The following FILIP1 variants were observed in gnomAD, a reference collection of about 807,000 sequenced individuals.
The protein encoded by FILIP1 is filamin-A-interacting protein 1.
A neutral mutation model predicts 102.1 loss-of-function variants in FILIP1; 61 were observed. The ratio of observed to expected loss-of-function variants is 0.60; its 90% CI spans 0.49 to 0.74. FILIP1 has a LOEUF of 0.74. Ranked by LOEUF, FILIP1 falls within the 30% of genes least tolerant of loss-of-function variation. The probability of loss-of-function intolerance (pLI) is 0.00; values close to 1 mark genes in which losing one functional copy is unlikely to be tolerated. For missense variants in FILIP1, 1,314 were observed against 1,441.2 expected (o/e 0.91, Z 1.43); for synonymous variants, 491 against 526.9 (o/e 0.93, Z 0.93).
At chr6:75,332,133 T>C (rs1305524800) in intron 4 of FILIP1, among the ~76,000 whole-genome samples, 1 of 152,164 alleles carries the variant, frequency 6.6e-6, no homozygotes, top group African/African-American at 2.4e-5. Flanking sequence ...TACTTTGTTA[T>C]AGCAGCCTGA....
chr6:75,440,580 G>A (rs1778177482), intron 1 of FILIP1, among the ~76,000 whole-genome samples: 2 of 152,218 alleles, frequency 1.3e-5, no homozygotes, highest in South Asian at 4.1e-4. Flanking sequence ...ATAACTCCAT[G>A]AGACCACAGG....
At chr6:75,330,229 G>C (rs1248873311) in intron 4 of FILIP1, among the ~76,000 whole-genome samples, 1 of 152,136 alleles carries the variant, frequency 6.6e-6, no homozygotes, top group African/African-American at 2.4e-5. Flanking sequence ...CCCAAGGTGA[G>C]AGCCTCACTT....
At chr6:75,335,695 A>G (rs573077687) in intron 4 of FILIP1, among the ~76,000 whole-genome samples, 1 of 152,236 alleles carries the variant, frequency 6.6e-6, no homozygotes, top group Non-Finnish European at 1.5e-5. Context: ...GCACGATACC[A>G]GATAAATTAG....
chr6:75,386,301 C>T (rs1476759697), intron 2 of FILIP1: 1 of 152,152 alleles, frequency 6.6e-6, no homozygotes, highest in African/African-American at 2.4e-5. Flanking sequence ...ACCAGCATCG[C>T]CAGATTTCTC....
chr6:75,401,373 C>G (rs1340089042), intron 2 of FILIP1, among the ~76,000 whole-genome samples: 1 of 152,048 alleles, frequency 6.6e-6, no homozygotes, highest in African/African-American at 2.4e-5. Context: ...TCTCTCTTAC[C>G]ACCCTTAACC....
rs768376745 is a variant in FILIP1, at chr6:75,314,641, G to C, written c.1191C>G (p.Ile397Met). The change falls in exon 5 of 6, where the codon ATC becomes ATG. Residue 397 changes from isoleucine to methionine, a missense_variant. Ile to Met is a conservative substitution (Grantham distance 10). Coordinates refer to ENST00000237172, the MANE Select transcript of FILIP1 (RefSeq NM_015687.5). Reference sequence around the variant, plus strand: ...CCCTACACTGGGATTCAGTTTTAGTGATCTCCTCATCTTTACCTTCCATTT... The same window carrying C: ...CCCTACACTGGGATTCAGTTTTAGTCATCTCCTCATCTTTACCTTCCATTT... Reference protein sequence around the residue: ...VLEMEGKDEEITKTESQCREL... With the variant: ...VLEMEGKDEEMTKTESQCREL... The C allele has an allele frequency of 1.9e-6, 3 of 1,613,540 alleles. No individual in the cohort carries two copies. The highest frequency in any genetic ancestry group is 2.5e-6 in the Non-Finnish European group (3 of 1,179,908).
chr6:75,360,465 G>C (rs377637139), intron 3 of FILIP1, among the ~76,000 whole-genome samples: 4 of 151,934 alleles, frequency 2.6e-5, no homozygotes, highest in African/African-American at 9.7e-5. Context: ...TTTACTAAAG[G>C]AGAAAACAAA....
In FILIP1 at chr6:75,447,742, T is replaced by C. The variant is rs533427644; in HGVS notation, c.-6-32764A>G. On this transcript the variant is annotated intron_variant, in intron 1 of 5. Coordinates refer to ENST00000237172, the MANE Select transcript of FILIP1 (RefSeq NM_015687.5). ...TTTTTTAACTGTGGCTCAAGACCTT[T>C]TCAGTGTGCCCTTAGCTAAATATCC... Among the ~76,000 whole-genome samples the C allele has an allele frequency of 2.0e-5, 3 of 152,252 alleles. No homozygotes were observed. The East Asian group carries it at 5.8e-4, about 29-fold the overall frequency.
intron 2 of FILIP1, among the ~76,000 whole-genome samples, chr6:75,377,055 C>T (rs1775774280): frequency 6.6e-6 from 1 of 152,048 alleles, no homozygotes; most frequent in Admixed American, 6.5e-5. Context: ...TTTGCTAGTA[C>T]TCATGCTGAA....
At chr6:75,411,530 C>G (rs1777070127) in intron 2 of FILIP1, among the ~76,000 whole-genome samples, 1 of 152,164 alleles carries the variant, frequency 6.6e-6, no homozygotes, top group South Asian at 2.1e-4. Flanking sequence ...AGGTTTTCTT[C>G]TAGGGCTTTT....
intron 4 of FILIP1, 52 bp downstream of exon 4, chr6:75,353,487 A>T: frequency 3.8e-6 from 6 of 1,594,706 alleles, no homozygotes; most frequent in Non-Finnish European, 5.1e-6. Context: ...ACGGGCAGAC[A>T]TGAAAGGGCT....
chr6:75,420,875 C>T (rs1777438994), intron 1 of FILIP1, among the ~76,000 whole-genome samples: 1 of 152,106 alleles, frequency 6.6e-6, no homozygotes, highest in African/African-American at 2.4e-5. Context: ...TTCTTCAAAT[C>T]ATTGAAATAC....
intron 1 of FILIP1, chr6:75,473,892 T>A (rs1265303687): frequency 6.6e-6 from 1 of 152,102 alleles, no homozygotes; most frequent in Non-Finnish European, 1.5e-5. Context: ...TCAAATTTTT[T>A]AGGACGAAGG....
intron 1 of FILIP1, among the ~76,000 whole-genome samples, chr6:75,457,612 GTCTCTCTCTCTCTCTC>G (rs68150078): frequency 2.8e-5 from 4 of 142,644 alleles, no homozygotes; most frequent in Admixed American, 2.8e-4. Flanking sequence ...TTCAAACAAA[GTCTCTCTCTCTCTCTC>G]TCTCTCTCTC....
intron 2 of FILIP1, among the ~76,000 whole-genome samples, chr6:75,400,414 C>T (rs367614624): frequency 2.1e-4 from 32 of 152,186 alleles, no homozygotes; most frequent in African/African-American, 7.5e-4. Flanking sequence ...AAAAGACAAA[C>T]ATGGACAAGT....
chr6:75,453,536 A>G (rs1166886693), intron 1 of FILIP1, among the ~76,000 whole-genome samples: 1 of 152,072 alleles, frequency 6.6e-6, no homozygotes, highest in African/African-American at 2.4e-5. Flanking sequence ...AAAGGCTGGG[A>G]ATGGTGGCTC....
chr6:75,462,584 G>A (rs1779055634), intron 1 of FILIP1, among the ~76,000 whole-genome samples: 1 of 151,568 alleles, frequency 6.6e-6, no homozygotes, highest in East Asian at 1.9e-4. Context: ...ATATGTGTGT[G>A]TATATATATA....
intron 2 of FILIP1, among the ~76,000 whole-genome samples, chr6:75,389,653 T>A (rs13191652): frequency 0.053 from 8,147 of 152,300 alleles, 297 homozygotes; most frequent in Non-Finnish European, 0.076. Context: ...TTCTAGTTTA[T>A]TTGCATAGAA....
chr6:75,416,586 CAAAA>C (rs35413915), intron 1 of FILIP1, among the ~76,000 whole-genome samples: 8 of 130,606 alleles, frequency 6.1e-5, no homozygotes, highest in Admixed American at 1.6e-4. Flanking sequence ...AGCCCCAATC[CAAAA>C]AAAAAAAAAA....
Sources: gnomAD v4.1 joint callset for allele counts (sites outside exome capture counted in the v4.1 genomes callset) on GRCh38, gnomAD v4.1.1 for gene constraint, MANE v1.5 for transcripts, NCBI Gene and HGNC (gene_info 2026-07-23, HGNC 2026-07-21) for gene names.